Variants in EEPD1 observed in about 807,000 individuals in gnomAD.
The protein encoded by EEPD1 is endonuclease/exonuclease/phosphatase family domain-containing protein 1.
Under a neutral mutation model 46.3 loss-of-function variants are expected in EEPD1, and 17 were observed. The observed-to-expected ratio is 0.37, with a 90% CI of 0.25 to 0.55. The LOEUF (loss-of-function observed/expected upper bound fraction) is 0.55, where lower values mean the gene tolerates loss of function less well. EEPD1 is among the 20% of genes least tolerant of loss of function. The pLI is 0.83. For missense variants in EEPD1, 673 were observed against 745.6 expected, an observed-to-expected ratio of 0.90 and a Z score of 1.13; for synonymous variants, 313 against 315.6, an observed-to-expected ratio of 0.99 and a Z score of 0.09.
intron 3 of EEPD1, among the ~76,000 whole-genome samples, chr7:36,246,867 T>A (rs1786648796): frequency 6.6e-6 from 1 of 152,102 alleles, no homozygotes; most frequent in African/African-American, 2.4e-5. Flanking sequence ...GTCTCACGCC[T>A]GTAATCCCAG....
At chr7:36,187,484 C>T (rs961089144) in intron 2 of EEPD1, among the ~76,000 whole-genome samples, 2 of 152,180 alleles carry the variant, frequency 1.3e-5, no homozygotes, top group Non-Finnish European at 2.9e-5. Flanking sequence ...TCTCCTACCA[C>T]CGGGTTTTTA....
intron 2 of EEPD1, among the ~76,000 whole-genome samples, chr7:36,215,629 G>C (rs373287009): frequency 1.3e-5 from 2 of 152,262 alleles, no homozygotes; most frequent in African/African-American, 4.8e-5. Context: ...TAGGCACCAT[G>C]TGTTGGGGCC....
At chr7:36,222,143 A>G (rs560927096) in intron 2 of EEPD1, among the ~76,000 whole-genome samples, 19 of 152,142 alleles carry the variant, frequency 1.2e-4, no homozygotes, top group Non-Finnish European at 2.6e-4. Flanking sequence ...CCCCCAAAAC[A>G]TAAGTACTAC....
intron 3 of EEPD1, among the ~76,000 whole-genome samples, chr7:36,254,166 C>T (rs571553521): frequency 6.2e-4 from 95 of 152,140 alleles, no homozygotes; most frequent in Non-Finnish European, 1.2e-3. Context: ...TTCTGAGGTA[C>T]GTGTGCAGAA....
At chr7:36,249,098 C>G (rs1307939484) in intron 3 of EEPD1, among the ~76,000 whole-genome samples, 1 of 151,810 alleles carries the variant, frequency 6.6e-6, no homozygotes, top group Admixed American at 6.6e-5. Context: ...CTCTCACTAC[C>G]TTTTTCTTTT....
intron 2 of EEPD1, among the ~76,000 whole-genome samples, chr7:36,228,337 G>C (rs1478470371): frequency 6.6e-6 from 1 of 152,092 alleles, no homozygotes; most frequent in Non-Finnish European, 1.5e-5. Context: ...AGACCAGTCT[G>C]GCCAACATGG....
At chr7:36,182,736 G>A (rs2115658521) in intron 2 of EEPD1, among the ~76,000 whole-genome samples, 1 of 152,348 alleles carries the variant, frequency 6.6e-6, no homozygotes, top group African/African-American at 2.4e-5. Flanking sequence ...CCATCTTGGG[G>A]ATTATAAAAC....
At chr7:36,275,857 A>C (rs554771636) in intron 3 of EEPD1, among the ~76,000 whole-genome samples, 30 of 152,264 alleles carry the variant, frequency 2.0e-4, no homozygotes, top group African/African-American at 7.0e-4. Flanking sequence ...AAAAAGTCCA[A>C]AGGTCCACAA....
At position 36,271,720 on chromosome 7, in the gene EEPD1, C is replaced by CTTCTAGGGTTGTT. The variant is rs60503175; in HGVS notation, c.931-9395_931-9394insTTCTAGGGTTGTT. ...TCCTGAATGGTATTGCCTAGGTTTT[C>CTTCTAGGGTTGTT]ATGGTTTTAGGTTTTACATTTAAGT... On this transcript the variant is annotated intron_variant, in intron 3 of 7. Transcript: ENST00000242108. Among the ~76,000 whole-genome samples the CTTCTAGGGTTGTT allele has an allele frequency of 3.6e-5, 2 of 55,332 alleles. 1 individual carries two copies. 36.3% of individuals were successfully genotyped at this position (55,332 alleles called of 152,430 possible). A position where few individuals can be genotyped will look rare whatever the true frequency, so the allele number is the denominator to read the frequency against.
chr7:36,284,676 T>A lies in EEPD1; in HGVS notation c.1042-10T>A. Reference sequence around the variant, plus strand: ...CTGGCACCAAGACTCTGTCTCCCTCTCCGCTGCAGGGAGCTGGGTATGCAG... The same window carrying A: ...CTGGCACCAAGACTCTGTCTCCCTCACCGCTGCAGGGAGCTGGGTATGCAG... On this transcript the variant is annotated splice_polypyrimidine_tract_variant and intron_variant, in intron 4 of 7. Coordinates refer to ENST00000242108, the MANE Select transcript of EEPD1 (RefSeq NM_030636.3). 6.2e-7 allele frequency: 1 copy of A among 1,609,472 alleles called. No individual in the cohort carries two copies. Among genetic ancestry groups the A allele is most frequent in the South Asian group, 1.1e-5 (1 of 90,890 alleles).
rs541497639 is a variant in EEPD1 at position 36,184,478 on chromosome 7, A to G, written c.878+29276A>G. Reference sequence around the variant, plus strand: ...CTTATTTGAGTGACAGTCAGAGTCAAGATTCACATGCACCTGGGAATACCA... The same window carrying G: ...CTTATTTGAGTGACAGTCAGAGTCAGGATTCACATGCACCTGGGAATACCA... On this transcript the variant is annotated intron_variant, in intron 2 of 7. Transcript: ENST00000242108. 2.2e-4 allele frequency among the ~76,000 whole-genome samples: 33 copies of G among 152,292 alleles called. No homozygotes were observed. In the South Asian group the frequency reaches 6.8e-3, roughly 32 times the overall value.
chr7:36,211,960 A>G (rs1018856449), intron 2 of EEPD1, among the ~76,000 whole-genome samples: 10 of 152,194 alleles, frequency 6.6e-5, no homozygotes, highest in African/African-American at 2.2e-4. Context: ...TGTGTATCAC[A>G]AGCATTAGAA....
At chr7:36,172,273 C>G (rs995584609) in intron 2 of EEPD1, among the ~76,000 whole-genome samples, 1 of 152,190 alleles carries the variant, frequency 6.6e-6, no homozygotes. Context: ...TCTAATCTTC[C>G]CCTCCTTTTT....
In EEPD1 at chr7:36,282,205, G is replaced by A. The variant is rs143737606; in HGVS notation, c.1041+980G>A. Among the ~76,000 whole-genome samples the A allele has an allele frequency of 1.3e-3, 205 of 152,312 alleles. 2 individuals are homozygous for A. Among genetic ancestry groups the A allele is most frequent in the South Asian group, 4.8e-3 (23 of 4,822 alleles). On this transcript the variant is annotated intron_variant, in intron 4 of 7. Transcript: ENST00000242108. ...TTCAGGGTTCTCCCTTCCAGTCCAC[G>A]TGGAAATAATAAGAATAATACCACC...
chr7:36,198,345 A>G (rs1290710274), intron 2 of EEPD1, among the ~76,000 whole-genome samples: 83 of 142,712 alleles, frequency 5.8e-4, no homozygotes, highest in African/African-American at 2.1e-3. Context: ...AAGAAAAGAA[A>G]AAAAAAAAAA....
intron 3 of EEPD1, among the ~76,000 whole-genome samples, chr7:36,255,476 ATTTCAGAACTTGTTATTGGGCT>A (rs70977126): frequency 0.71 from 106,525 of 150,986 alleles, 37,915 homozygotes; most frequent in Non-Finnish European, 0.76. Flanking sequence ...TACTGCCTCA[ATTTCAGAACTTGTTATTGGGCT>A]TTTCAGAACT....
At chr7:36,228,475 A>C (rs2726066) in intron 2 of EEPD1, 148,975 of 151,962 alleles carry the variant, frequency 0.98, 73,097 homozygotes, top group East Asian at 1. Context: ...TTCAGTGAGC[A>C]GAGATTGTGC....
chr7:36,154,487 G>T lies in EEPD1; in HGVS notation c.163G>T (p.Gly55Trp). 6.2e-7 allele frequency: 1 copy of T among 1,614,212 alleles called. No individual in the cohort carries two copies. Among genetic ancestry groups the T allele is most frequent in the Non-Finnish European group, 8.5e-7 (1 of 1,180,042 alleles). ...ATEEELMTLP[G>W]VTRAVARSIV... ...GGAGGAGGAGCTGATGACCCTGCCT[G>T]GGGTGACGCGTGCCGTGGCACGCAG... The change falls in exon 2 of 8, where the codon GGG becomes TGG. Residue 55 changes from glycine (G) to tryptophan (W), a missense_variant. Gly to Trp is a radical substitution (Grantham distance 184, BLOSUM62 -2). Transcript: ENST00000242108. The surrounding 1 kb of genome is among the most constrained non-coding windows in gnomAD (Gnocchi z 4.2).
chr7:36,196,602 C>T (rs909170349), intron 2 of EEPD1, among the ~76,000 whole-genome samples: 4 of 152,242 alleles, frequency 2.6e-5, no homozygotes, highest in African/African-American at 7.2e-5. Context: ...TTGGTGGGGA[C>T]GGGGTTTCAC....
Sources: allele counts gnomAD v4.1 joint callset (sites outside exome capture counted in the v4.1 genomes callset), GRCh38; gene constraint gnomAD v4.1.1; non-coding constraint Gnocchi (gnomAD v3.1); transcripts MANE v1.5; gene names NCBI Gene and HGNC (gene_info 2026-07-23, HGNC 2026-07-21).